The following CYTH4 variants were observed in gnomAD, a reference collection of about 807,000 sequenced individuals.
CYTH4 encodes cytohesin 4.
In CYTH4, 22 loss-of-function variants were observed where a neutral mutation model predicts 57.5. That is an observed-to-expected ratio of 0.38 (90% CI 0.27 to 0.55). CYTH4 has a LOEUF of 0.55. Ranked by LOEUF, CYTH4 falls within the 20% of genes least tolerant of loss-of-function variation. CYTH4 has a pLI of 0.74. For synonymous variants in CYTH4, 186 were observed against 206.5 expected, an observed-to-expected ratio of 0.90 and a Z score of 0.85; for missense variants, 420 against 535.6, an observed-to-expected ratio of 0.78 and a Z score of 2.13.
At chr22:37,297,365 A>G (rs1929012896) in intron 4 of CYTH4, among the ~76,000 whole-genome samples, 199 bp from the exon 5 acceptor site, 1 of 152,060 alleles carries the variant, frequency 6.6e-6, no homozygotes, top group Admixed American at 6.5e-5. Context: ...CTTTCTTTGC[A>G]TGCCTCCAGT....
intron 1 of CYTH4, among the ~76,000 whole-genome samples, chr22:37,289,283 C>A (rs1277341683): frequency 6.6e-6 from 1 of 152,216 alleles, no homozygotes. Flanking sequence ...TTCACCACTG[C>A]CCATGATGCA....
At chr22:37,294,600 A>G in intron 2 of CYTH4, 60 bp from the exon 3 acceptor site, 1 of 1,598,442 alleles carries the variant, frequency 6.3e-7, no homozygotes, top group Non-Finnish European at 8.6e-7. Context: ...GTGGTCTCAA[A>G]CCCCCGGGGT....
At chr22:37,309,465 C>G in intron 9 of CYTH4, 142 bp downstream of exon 9, 1 of 729,064 alleles carries the variant, frequency 1.4e-6, no homozygotes, top group Non-Finnish European at 2.3e-6. Flanking sequence ...TTGGACAGCC[C>G]CAGGTCTCCT....
Position 37,299,848 on chromosome 22 carries a change from G to A in CYTH4, c.434+542G>A, listed in dbSNP as rs560112708. ...CATGCACAAAATACAAAAATTAGCC[G>A]GGCGTGGTGGCGGGCGCCTGTAATC... On this transcript the variant is annotated intron_variant, in intron 6 of 12. Coordinates refer to ENST00000248901, the MANE Select transcript of CYTH4 (RefSeq NM_013385.5). 5.9e-5 allele frequency among the ~76,000 whole-genome samples: 9 copies of A among 152,210 alleles called. No homozygotes were observed. The East Asian group carries it at 7.7e-4, about 13-fold the overall frequency.
Position 37,313,716 on chromosome 22 carries a change from G to A in CYTH4, c.*205G>A. 2 of 587,844 alleles carry A rather than the reference G, an allele frequency of 3.4e-6. No homozygotes were observed. Among genetic ancestry groups the A allele is most frequent in the South Asian group, 2.0e-5 (1 of 49,350 alleles). The allele number at this position is 587,844 out of a possible 1,614,324, so 36.4% of individuals were successfully genotyped here. ...AGTGGGCTCAGAGTCCAGCAATGAGGCCCCCTGGCCTGGGCACCCAGCTGC... is the reference window on the plus strand; with the variant it reads ...AGTGGGCTCAGAGTCCAGCAATGAGACCCCCTGGCCTGGGCACCCAGCTGC... On this transcript the variant is annotated 3_prime_UTR_variant, in exon 13 of 13. Coordinates refer to ENST00000248901, the MANE Select transcript of CYTH4 (RefSeq NM_013385.5).
At chr22:37,286,520 C>G (rs1215812572) in intron 1 of CYTH4, among the ~76,000 whole-genome samples, 6 of 152,104 alleles carry the variant, frequency 3.9e-5, no homozygotes, top group African/African-American at 1.4e-4. Context: ...TTGAGCCATG[C>G]AGATCCCAGA....
intron 1 of CYTH4, among the ~76,000 whole-genome samples, chr22:37,284,117 C>A (rs144649529): frequency 6.6e-6 from 1 of 152,098 alleles, no homozygotes; most frequent in Non-Finnish European, 1.5e-5. Flanking sequence ...CCAGGTTGGC[C>A]GGGGCTATGG....
chr22:37,284,563 T>C (rs1286890973), intron 1 of CYTH4, among the ~76,000 whole-genome samples: 1 of 152,178 alleles, frequency 6.6e-6, no homozygotes, highest in Admixed American at 6.5e-5. Context: ...ACTTCCCCTC[T>C]CTGAGTTCTG....
At chr22:37,312,314 C>CATGGAATACGGGTGGAAG in intron 12 of CYTH4, 140 bp downstream of exon 12, 6 of 1,227,984 alleles carry the variant, frequency 4.9e-6, no homozygotes, top group Non-Finnish European at 6.7e-6. Context: ...CCCTTCCACC[C>CATGGAATACGGGTGGAAG]GTATTCCATG....
At position 37,303,280 on chromosome 22, in the gene CYTH4, A is replaced by G. The variant is rs1400739383; in HGVS notation, c.574A>G (p.Ile192Val). 2.5e-6 allele frequency: 4 copies of G among 1,614,140 alleles called. No individual in the cohort carries two copies. The highest frequency in any genetic ancestry group is 3.4e-6 in the Non-Finnish European group (4 of 1,180,002). Reference protein sequence around the residue: ...TDTCYVLSFSIIMLNTSLHNP... With the variant: ...TDTCYVLSFSVIMLNTSLHNP... ...CACCTGCTACGTGTTGTCCTTCTCCATCATCATGCTCAACACCAGCCTCCA... is the reference window on the plus strand; with the variant it reads ...CACCTGCTACGTGTTGTCCTTCTCCGTCATCATGCTCAACACCAGCCTCCA... Residue 192 changes from isoleucine to valine, a missense_variant, in exon 8 of 13, where the codon ATC becomes GTC. By Grantham distance (29) the Ile-to-Val change is conservative. Transcript: ENST00000248901.
In CYTH4 at chr22:37,314,868, G is replaced by A. The variant is rs183329200; in HGVS notation, c.*1357G>A. The A allele has an allele frequency of 2.5e-4, 39 of 155,864 alleles. No homozygotes were observed. The East Asian group carries it at 6.1e-3, about 24-fold the overall frequency. The allele number at this position is 155,864 out of a possible 1,614,324, so 9.7% of individuals were successfully genotyped here. ...GATCCCCCAGAAGGAACCGCAGCTC[G>A]CGAGGCACCTCTCCTCGTCCCCACC... is the stretch of plus-strand genomic sequence containing the variant. On this transcript the variant is annotated 3_prime_UTR_variant, in exon 13 of 13. Transcript: ENST00000248901.
chr22:37,309,898 G>A, intron 9 of CYTH4: 1 of 399,464 alleles, frequency 2.5e-6, no homozygotes, highest in Non-Finnish European at 5.3e-6. Flanking sequence ...GCTGGGGTGG[G>A]AGCTGCAGTA....
Position 37,313,723 on chromosome 22 carries a change from G to A in CYTH4, c.*212G>A. ...TCAGAGTCCAGCAATGAGGCCCCCT[G>A]GCCTGGGCACCCAGCTGCAGGCCCC... On this transcript the variant is annotated 3_prime_UTR_variant, in exon 13 of 13. Coordinates refer to ENST00000248901, the MANE Select transcript of CYTH4 (RefSeq NM_013385.5). The A allele has an allele frequency of 1.7e-6, 1 of 583,226 alleles. No individual in the cohort carries two copies. Among genetic ancestry groups the A allele is most frequent in the Non-Finnish European group, 3.0e-6 (1 of 328,140 alleles). 36.1% of individuals were successfully genotyped at this position (583,226 alleles called of 1,614,324 possible).
rs112281879 is a variant in CYTH4 at position 37,297,691 on chromosome 22, G to A, written c.353+9G>A. The A allele has an allele frequency of 2.0e-4, 316 of 1,608,850 alleles. 1 individual carries two copies. The East Asian group carries it at 4.1e-3, about 21-fold the overall frequency. On this transcript the variant is annotated intron_variant, in intron 5 of 12. Transcript: ENST00000248901. ...ACCTACCTGGGGGAGAGGTAAGAAC[G>A]AGTGGAGCCTTAGCGAGGCAGGAAA... is the stretch of plus-strand genomic sequence containing the variant.
At chr22:37,307,947 A>G (rs555841228) in intron 8 of CYTH4, among the ~76,000 whole-genome samples, 76 of 152,304 alleles carry the variant, frequency 5.0e-4, no homozygotes, top group African/African-American at 1.7e-3. Context: ...TCCAGTGACA[A>G]AGAGCTCATT....
intron 1 of CYTH4, among the ~76,000 whole-genome samples, chr22:37,288,096 T>C (rs1458840670): frequency 2.6e-5 from 4 of 151,994 alleles, no homozygotes; most frequent in African/African-American, 9.7e-5. Flanking sequence ...CTGGCCAACA[T>C]AGTGAAACCC....
At chr22:37,293,024 C>A (rs1336757689) in intron 2 of CYTH4, among the ~76,000 whole-genome samples, 4 of 152,224 alleles carry the variant, frequency 2.6e-5, no homozygotes, top group Admixed American at 6.5e-5. Context: ...CAGGTCTCAC[C>A]CCTGCAGAGT....
intron 1 of CYTH4, among the ~76,000 whole-genome samples, chr22:37,287,648 A>T (rs570619812): frequency 1.1e-4 from 16 of 152,012 alleles, no homozygotes; most frequent in African/African-American, 3.4e-4. Context: ...GTGGCCCCTT[A>T]CACCTTCCAT....
intron 1 of CYTH4, chr22:37,292,286 T>C (rs757257206): frequency 1.4e-5 from 4 of 279,248 alleles, no homozygotes; most frequent in Non-Finnish European, 2.7e-5. Context: ...TCAGACTCTT[T>C]CTAGGTGCTG....
Sources: allele counts gnomAD v4.1 joint callset (sites outside exome capture counted in the v4.1 genomes callset), GRCh38; gene constraint gnomAD v4.1.1; transcripts MANE v1.5; gene names NCBI Gene and HGNC (gene_info 2026-07-23, HGNC 2026-07-21).